SIRPA: variants seen among roughly 807,000 people sequenced by gnomAD.
SIRPA encodes the protein tyrosine-protein phosphatase non-receptor type substrate 1.
A neutral mutation model predicts 50.3 loss-of-function variants in SIRPA; 9 were observed. The observed-to-expected ratio is 0.18, with a 90% confidence interval of 0.11 to 0.31. The LOEUF (loss-of-function observed/expected upper bound fraction) is 0.31, where lower values mean the gene tolerates loss of function less well. SIRPA is among the 10% of genes least tolerant of loss of function. SIRPA has a pLI of 1.00. For missense variants in SIRPA, 474 were observed against 661.6 expected, an observed-to-expected ratio of 0.72 and a Z score of 3.11; for synonymous variants, 265 against 284.1, an observed-to-expected ratio of 0.93 and a Z score of 0.68.
At chr20:1,918,630 A>T (rs191351384) in intron 2 of SIRPA, among the ~76,000 whole-genome samples, 116 of 152,116 alleles carry the variant, frequency 7.6e-4, no homozygotes, top group African/African-American at 2.6e-3. Flanking sequence ...TGTTATGAGG[A>T]TGCAATGAGC....
chr20:1,900,291 G>T (rs552163287), intron 1 of SIRPA, among the ~76,000 whole-genome samples: 3 of 151,958 alleles, frequency 2.0e-5, no homozygotes, highest in African/African-American at 7.3e-5. Flanking sequence ...GTAGAGACAA[G>T]GTTTCTCCGT....
At chr20:1,926,560 C>T (rs1001023182) in intron 5 of SIRPA, among the ~76,000 whole-genome samples, 6 of 152,210 alleles carry the variant, frequency 3.9e-5, no homozygotes, top group African/African-American at 9.6e-5. Context: ...AACACAGGCT[C>T]CAGTGACAGG....
In SIRPA at chr20:1,939,195, T is replaced by A. The variant is rs1986757287; in HGVS notation, c.*1627T>A. The A allele has an allele frequency of 6.6e-6, 1 of 152,156 alleles. No individual in the cohort carries two copies. The highest frequency in any genetic ancestry group is 2.4e-5 in the African/African-American group (1 of 41,440). 9.4% of individuals were successfully genotyped at this position (152,156 alleles called of 1,614,324 possible). A position where few individuals can be genotyped will look rare whatever the true frequency, so the allele number is the denominator to read the frequency against. On this transcript the variant is annotated 3_prime_UTR_variant, in exon 8 of 8. Transcript: ENST00000358771. This position sits in a 1 kb window ranked among gnomAD's most constrained non-coding sequence, Gnocchi z 4.7. The stretch of plus-strand genomic sequence containing the variant: ...TTTATTCAGTCTTCACTATAACTCT[T>A]AGAGTTGAGACGCTAATGTTCATGA...
chr20:1,904,542 G>A (rs766119320), intron 1 of SIRPA, among the ~76,000 whole-genome samples: 19 of 152,328 alleles, frequency 1.2e-4, no homozygotes, highest in African/African-American at 3.6e-4. Flanking sequence ...CTGGTCCTCC[G>A]TGAAATGGGG....
At chr20:1,908,454 A>T (rs1248563175) in intron 1 of SIRPA, among the ~76,000 whole-genome samples, 1 of 151,936 alleles carries the variant, frequency 6.6e-6, no homozygotes, top group Non-Finnish European at 1.5e-5. Flanking sequence ...TGCCCAGGCC[A>T]CCATGATTCA....
intron 1 of SIRPA, among the ~76,000 whole-genome samples, chr20:1,902,309 T>C (rs1984267130): frequency 6.6e-6 from 1 of 152,082 alleles, no homozygotes; most frequent in African/African-American, 2.4e-5. Flanking sequence ...GTATGGCCCT[T>C]CATCCCCACT....
At chr20:1,902,753 T>C (rs1416133522) in intron 1 of SIRPA, among the ~76,000 whole-genome samples, 2 of 152,122 alleles carry the variant, frequency 1.3e-5, no homozygotes, top group Non-Finnish European at 2.9e-5. Context: ...GGCTCACGCC[T>C]ATAATCCCAG....
At position 1,937,605 on chromosome 20, in the gene SIRPA, C is replaced by A. The variant is rs77592657; in HGVS notation, c.*37C>A. ...GTTTGCTCTAGCACCCATCTCTACG[C>A]GCTTTCTTGTCCCACAGGGAGCCGC... On this transcript the variant is annotated 3_prime_UTR_variant, in exon 8 of 8. Transcript: ENST00000358771. The surrounding 1 kb of genome is among the most constrained non-coding windows in gnomAD (Gnocchi z 8.3). The A allele has an allele frequency of 6.2e-6, 10 of 1,602,232 alleles. No individual in the cohort carries two copies. In the African/African-American group the frequency reaches 1.3e-4, roughly 21 times the overall value.
chr20:1,936,867 T>G lies in SIRPA; in HGVS notation c.1267-453T>G, dbSNP rs570099376. ...GCTGAGGAAGCACAAAGAAGGAACA[T>G]GGACCCTGCCAGGAGAGGGGAGAGC... On this transcript the variant is annotated intron_variant, in intron 7 of 7. Transcript: ENST00000358771. The surrounding 1 kb of genome is among the most constrained non-coding windows in gnomAD (Gnocchi z 4.2). 6.6e-6 allele frequency among the ~76,000 whole-genome samples: 1 copy of G among 152,118 alleles called. No individual in the cohort carries two copies. Among genetic ancestry groups the G allele is most frequent in the African/African-American group, 2.4e-5 (1 of 41,420 alleles).
At chr20:1,915,541 T>A (rs1985228453) in intron 2 of SIRPA, 86 bp downstream of exon 2, 5 of 1,502,426 alleles carry the variant, frequency 3.3e-6, no homozygotes, top group Non-Finnish European at 4.6e-6. Context: ...AATGATCAGG[T>A]GTGGTGGTAG....
chr20:1,925,770 C>T (rs568786006), intron 5 of SIRPA, among the ~76,000 whole-genome samples: 5 of 152,274 alleles, frequency 3.3e-5, no homozygotes, highest in African/African-American at 1.2e-4. Context: ...TGTGAAATAA[C>T]GGGTCTGACA....
chr20:1,909,768 G>A (rs1412364115), intron 1 of SIRPA, among the ~76,000 whole-genome samples: 1 of 152,166 alleles, frequency 6.6e-6, no homozygotes, highest in East Asian at 1.9e-4. Flanking sequence ...GGTGATGAGA[G>A]TGAGACTTCG....
At chr20:1,923,248 A>G (rs2123163651) in intron 4 of SIRPA, among the ~76,000 whole-genome samples, 1 of 152,372 alleles carries the variant, frequency 6.6e-6, no homozygotes, top group Non-Finnish European at 1.5e-5. Context: ...GTGTCAAGGT[A>G]TCATTTTCTC....
chr20:1,920,412 A>G (rs1985578840), intron 2 of SIRPA, among the ~76,000 whole-genome samples: 1 of 152,192 alleles, frequency 6.6e-6, no homozygotes, highest in Non-Finnish European at 1.5e-5. Flanking sequence ...GTATGGGGTA[A>G]TGATTAGCAA....
At chr20:1,904,344 G>A (rs377754454) in intron 1 of SIRPA, among the ~76,000 whole-genome samples, 3 of 152,204 alleles carry the variant, frequency 2.0e-5, no homozygotes, top group African/African-American at 7.2e-5. Flanking sequence ...GAAACATGAC[G>A]TAATTAGTGC....
rs1166670540 is a variant in SIRPA, at chr20:1,934,394, T to C, written c.1227-321T>C. On this transcript the variant is annotated intron_variant, in intron 6 of 7. Coordinates refer to ENST00000358771, the MANE Select transcript of SIRPA (RefSeq NM_001040023.2). This position sits in a 1 kb window ranked among gnomAD's most constrained non-coding sequence, Gnocchi z 4.6. ...CAGCTGCTTCCCAAAAGGATTGTAC[T>C]GGTTTGCCTCTCCCACCAGTGACGT... Among the ~76,000 whole-genome samples the C allele has an allele frequency of 6.6e-6, 1 of 152,230 alleles. No homozygotes were observed. Among genetic ancestry groups the C allele is most frequent in the African/African-American group, 2.4e-5 (1 of 41,458 alleles).
At chr20:1,904,646 G>A (rs1307431606) in intron 1 of SIRPA, among the ~76,000 whole-genome samples, 1 of 152,200 alleles carries the variant, frequency 6.6e-6, no homozygotes, top group Non-Finnish European at 1.5e-5. Flanking sequence ...TATTGTTACT[G>A]CTGTTATGTG....
intron 6 of SIRPA, among the ~76,000 whole-genome samples, chr20:1,931,525 A>G (rs1986298982): frequency 1.3e-5 from 2 of 152,152 alleles, no homozygotes; most frequent in South Asian, 4.1e-4. Flanking sequence ...GAGCCATGAG[A>G]TCACTTGCTC....
chr20:1,931,420 CTG>C (rs1397868154), intron 6 of SIRPA, among the ~76,000 whole-genome samples: 2 of 84,018 alleles, frequency 2.4e-5, no homozygotes, highest in African/African-American at 7.2e-5. Flanking sequence ...GCCTTCATCA[CTG>C]TTCCCATGCT....
Sources: gnomAD v4.1 joint callset for allele counts (sites outside exome capture counted in the v4.1 genomes callset) on GRCh38, gnomAD v4.1.1 for gene constraint, Gnocchi (gnomAD v3.1) non-coding constraint, MANE v1.5 for transcripts, NCBI Gene and HGNC (gene_info 2026-07-23, HGNC 2026-07-21) for gene names.